The following MMP26 variants were observed in gnomAD, a reference collection of about 807,000 sequenced individuals.
MMP26 encodes the protein matrix metallopeptidase 26, also known as matrix metalloproteinase-26.
MMP26 carries 33 observed loss-of-function variants against 31.0 expected under a neutral mutation model. The observed-to-expected ratio is 1.06, with a 90% CI of 0.81 to 1.42. The LOEUF (loss-of-function observed/expected upper bound fraction) is 1.42, where lower values mean the gene tolerates loss of function less well. Ranked by LOEUF, MMP26 falls within the 40% of genes most tolerant of loss-of-function variation. The pLI is 0.00. For synonymous variants in MMP26, 122 were observed against 114.9 expected, an observed-to-expected ratio of 1.06 and a Z score of -0.40; for missense variants, 347 against 316.1, an observed-to-expected ratio of 1.10 and a Z score of -0.74.
rs889301943 is a variant in MMP26, at chr11:4,951,951, G to A, written c.-144-36117G>A. The stretch of plus-strand genomic sequence containing the variant: ...AGAGAGCTGAAGCATGTAAGTTAGC[G>A]GTGATAACAACTTCTTTGCAGCACT... On this transcript the variant is annotated intron_variant, in intron 2 of 7. Coordinates refer to ENST00000380390, the MANE Select transcript of MMP26 (RefSeq NM_021801.5). 3.2e-5 allele frequency among the ~76,000 whole-genome samples: 4 copies of A among 124,288 alleles called. 1 individual carries two copies. The highest frequency in any genetic ancestry group is 4.8e-4 in the South Asian group (2 of 4,158). The allele number at this position is 124,288 out of a possible 152,430, so 81.5% of individuals were successfully genotyped here.
intron 2 of MMP26, among the ~76,000 whole-genome samples, chr11:4,865,833 T>C (rs1850226929): frequency 6.6e-6 from 1 of 151,620 alleles, no homozygotes; most frequent in Non-Finnish European, 1.5e-5. Flanking sequence ...GTAGCCTGAG[T>C]TTGCAAGCAG....
intron 2 of MMP26, among the ~76,000 whole-genome samples, chr11:4,950,601 A>G (rs1846362721): frequency 8.2e-6 from 1 of 122,270 alleles, no homozygotes; most frequent in African/African-American, 2.7e-5. Flanking sequence ...TAACAATAGC[A>G]CAGCATGCTG....
chr11:4,965,392 C>G lies in MMP26; in HGVS notation c.-144-22676C>G, dbSNP rs533656540. Among the ~76,000 whole-genome samples, 413 of 152,192 alleles carry G rather than the reference C, an allele frequency of 2.7e-3. 6 individuals carry two copies. Among genetic ancestry groups the G allele is most frequent in the African/African-American group, 9.8e-3 (406 of 41,528 alleles). On this transcript the variant is annotated intron_variant, in intron 2 of 7. Coordinates refer to ENST00000380390, the MANE Select transcript of MMP26 (RefSeq NM_021801.5). ...AAGAGAGTTTCTTGAACTAGGATTT[C>G]TAGATTAGGTACAGATATAAAAGTG...
At chr11:4,720,293 G>A (rs1193606042) in intron 1 of MMP26, among the ~76,000 whole-genome samples, 1 of 152,132 alleles carries the variant, frequency 6.6e-6, no homozygotes, top group African/African-American at 2.4e-5. Context: ...TGCTAAACAA[G>A]CGTGTTCCTG....
intron 1 of MMP26, among the ~76,000 whole-genome samples, chr11:4,726,203 A>T (rs762228936): frequency 5.9e-5 from 9 of 152,192 alleles, no homozygotes; most frequent in Non-Finnish European, 1.3e-4. Flanking sequence ...TAGGCCGGGC[A>T]TGGTGGCTCA....
chr11:4,824,630 C>A (rs1326774502), intron 2 of MMP26, among the ~76,000 whole-genome samples: 4 of 152,064 alleles, frequency 2.6e-5, no homozygotes, highest in African/African-American at 4.8e-5. Flanking sequence ...GTGGTAAATT[C>A]TCTTGTCCTA....
intron 2 of MMP26, among the ~76,000 whole-genome samples, chr11:4,821,131 T>C (rs566893501): frequency 7.9e-5 from 12 of 152,198 alleles, no homozygotes; most frequent in South Asian, 2.1e-4. Context: ...CAGACGTGAC[T>C]TAATTGTAAT....
intron 2 of MMP26, among the ~76,000 whole-genome samples, chr11:4,891,414 G>A (rs974647402): frequency 2.6e-5 from 4 of 152,062 alleles, no homozygotes; most frequent in Admixed American, 2.0e-4. Context: ...CTATCAAGAG[G>A]ACAGTACCAA....
At chr11:4,943,534 T>C in intron 2 of MMP26, 1 of 455,842 alleles carries the variant, frequency 2.2e-6, no homozygotes, top group South Asian at 1.6e-5. Context: ...GATAATTCTT[T>C]TGGGTAAGGG....
chr11:4,874,074 G>A lies in MMP26; in HGVS notation c.-145+106733G>A, dbSNP rs138373265. Among the ~76,000 whole-genome samples the A allele has an allele frequency of 1.2e-4, 19 of 152,072 alleles. No homozygotes were observed. In the East Asian group the frequency reaches 3.5e-3, roughly 28 times the overall value. On this transcript the variant is annotated intron_variant, in intron 2 of 7. Transcript: ENST00000380390. ...AGCGAGGGTGTTGGTATCCTTTTAA[G>A]TCTGCAGTCTGCAGCTCCAATTGTT... is the stretch of plus-strand genomic sequence containing the variant.
chr11:4,793,015 A>C (rs1238192001), intron 2 of MMP26, among the ~76,000 whole-genome samples: 3 of 152,222 alleles, frequency 2.0e-5, no homozygotes, highest in Non-Finnish European at 4.4e-5. Context: ...ACAAGACTTA[A>C]GTAACAGATT....
intron 2 of MMP26, among the ~76,000 whole-genome samples, chr11:4,850,370 TAA>T (rs1849958303): frequency 6.6e-6 from 1 of 152,154 alleles, no homozygotes; most frequent in Admixed American, 6.5e-5. Context: ...GCAAAACCAA[TAA>T]GACACTCGTT....
intron 2 of MMP26, among the ~76,000 whole-genome samples, chr11:4,831,162 C>A (rs1482325003): frequency 3.3e-5 from 5 of 152,146 alleles, no homozygotes; most frequent in African/African-American, 1.2e-4. Flanking sequence ...TAGCTGAATG[C>A]AATCTCCTCT....
At chr11:4,758,460 C>A (rs1848531519) in intron 1 of MMP26, among the ~76,000 whole-genome samples, 5 of 123,672 alleles carry the variant, frequency 4.0e-5, no homozygotes, top group African/African-American at 3.2e-5. Flanking sequence ...GCTGATCATC[C>A]ATTTGGAAAA....
chr11:4,801,186 T>C (rs1340160231), intron 2 of MMP26, among the ~76,000 whole-genome samples: 1 of 152,232 alleles, frequency 6.6e-6, no homozygotes, highest in Non-Finnish European at 1.5e-5. Flanking sequence ...TCTGAACTCT[T>C]CTAACCTCTG....
intron 2 of MMP26, among the ~76,000 whole-genome samples, chr11:4,887,731 A>G (rs995013007): frequency 3.3e-5 from 5 of 152,166 alleles, no homozygotes; most frequent in Admixed American, 2.6e-4. Flanking sequence ...TAGTTAGACT[A>G]CTAGTCAGAT....
chr11:4,735,686 C>G (rs374708597), intron 1 of MMP26, among the ~76,000 whole-genome samples: 1 of 152,042 alleles, frequency 6.6e-6, no homozygotes, highest in East Asian at 1.9e-4. Flanking sequence ...TGTTTAGCAT[C>G]TCGCAATAGT....
chr11:4,962,793 G>C (rs1451058652), intron 2 of MMP26, among the ~76,000 whole-genome samples: 2 of 152,146 alleles, frequency 1.3e-5, no homozygotes, highest in African/African-American at 4.8e-5. Flanking sequence ...TAATCACTTG[G>C]AGAACAGAGT....
At chr11:4,925,337 A>C (rs1012607761) in intron 2 of MMP26, among the ~76,000 whole-genome samples, 1 of 152,210 alleles carries the variant, frequency 6.6e-6, no homozygotes, top group Non-Finnish European at 1.5e-5. Flanking sequence ...ACATTAAAAA[A>C]ATTAAATTTA....
Sources: allele counts gnomAD v4.1 joint callset (sites outside exome capture counted in the v4.1 genomes callset), GRCh38; gene constraint gnomAD v4.1.1; transcripts MANE v1.5; gene names NCBI Gene and HGNC (gene_info 2026-07-23, HGNC 2026-07-21).